The following CENPP variants were observed in gnomAD, a reference collection of about 807,000 sequenced individuals.
The protein encoded by CENPP is centromere protein P.
Under a neutral mutation model 35.6 loss-of-function variants are expected in CENPP, and 24 were observed. The observed-to-expected ratio is 0.67, with a 90% CI of 0.49 to 0.95. The LOEUF (loss-of-function observed/expected upper bound fraction) is 0.95. Ranked by LOEUF, CENPP falls within the 40% of genes least tolerant of loss-of-function variation. The pLI, the probability that CENPP is intolerant of heterozygous loss-of-function variation, is 0.00. For synonymous variants in CENPP, 120 were observed against 125.5 expected (o/e 0.96, Z 0.29); for missense variants, 332 against 345.3 (o/e 0.96, Z 0.31).
chr9:92,546,907 C>T (rs1004395854), intron 5 of CENPP, among the ~76,000 whole-genome samples: 1 of 152,160 alleles, frequency 6.6e-6, no homozygotes, highest in East Asian at 1.9e-4. Context: ...TACCACAGGT[C>T]TCTATATTCT....
intron 5 of CENPP, among the ~76,000 whole-genome samples, chr9:92,383,763 T>C (rs1425860404): frequency 2.0e-5 from 3 of 152,168 alleles, no homozygotes; most frequent in Non-Finnish European, 4.4e-5. Context: ...ACCAATGTTC[T>C]TTCTCCCTTA....
chr9:92,590,466 ATC>A (rs1850639716), intron 5 of CENPP, among the ~76,000 whole-genome samples: 1 of 152,178 alleles, frequency 6.6e-6, no homozygotes, highest in South Asian at 2.1e-4. Context: ...GGAAATTGGA[ATC>A]TGTCCTTTGG....
At chr9:92,458,253 C>G (rs1588143968) in intron 5 of CENPP, among the ~76,000 whole-genome samples, 1 of 152,156 alleles carries the variant, frequency 6.6e-6, no homozygotes, top group Admixed American at 6.6e-5. Context: ...TCTTCTTTGG[C>G]CTTTTTTGGT....
chr9:92,492,262 G>A (rs1190012892), intron 5 of CENPP, among the ~76,000 whole-genome samples: 1 of 152,076 alleles, frequency 6.6e-6, no homozygotes, highest in Admixed American at 6.5e-5. Context: ...ATATACTTAT[G>A]CCGAGTCTAA....
intron 1 of CENPP, among the ~76,000 whole-genome samples, chr9:92,326,393 T>C (rs112880845): frequency 1.8e-4 from 27 of 152,362 alleles, no homozygotes; most frequent in African/African-American, 5.5e-4. Flanking sequence ...GCCTCCAGTA[T>C]GCAGAAGTAT....
chr9:92,381,530 T>C (rs1350420299), intron 5 of CENPP, among the ~76,000 whole-genome samples: 3 of 152,180 alleles, frequency 2.0e-5, no homozygotes, highest in African/African-American at 7.2e-5. Flanking sequence ...GCAATTGACC[T>C]ATCTTGGCCT....
intron 5 of CENPP, among the ~76,000 whole-genome samples, chr9:92,421,917 T>C (rs1275262457): frequency 6.6e-6 from 1 of 152,210 alleles, no homozygotes; most frequent in African/African-American, 2.4e-5. Flanking sequence ...AAGTCTTTTG[T>C]AGACATCATT....
At chr9:92,544,214 G>T (rs574383336) in intron 5 of CENPP, among the ~76,000 whole-genome samples, 1 of 152,172 alleles carries the variant, frequency 6.6e-6, no homozygotes, top group Non-Finnish European at 1.5e-5. Flanking sequence ...GGTGGCTCAC[G>T]CCTATAATCC....
intron 4 of CENPP, among the ~76,000 whole-genome samples, chr9:92,351,886 A>G (rs986426979): frequency 1.3e-5 from 2 of 152,030 alleles, no homozygotes; most frequent in African/African-American, 4.8e-5. Context: ...CGGCCTCCCA[A>G]AGTGCTGGGA....
intron 2 of CENPP, among the ~76,000 whole-genome samples, chr9:92,332,875 C>CTT (rs1399857353): frequency 4.2e-5 from 6 of 142,916 alleles, no homozygotes; most frequent in South Asian, 2.2e-4. Flanking sequence ...TTCTTTCTTT[C>CTT]TTTTTTTTTT....
intron 5 of CENPP, among the ~76,000 whole-genome samples, chr9:92,560,577 G>A (rs1163441435): frequency 6.6e-6 from 1 of 152,228 alleles, no homozygotes; most frequent in African/African-American, 2.4e-5. Context: ...GAGCATGGCA[G>A]TTTATATAAT....
intron 5 of CENPP, among the ~76,000 whole-genome samples, chr9:92,581,849 TAC>T (rs1271701320): frequency 6.6e-6 from 1 of 152,160 alleles, no homozygotes; most frequent in African/African-American, 2.4e-5. Context: ...CATTCAAAAA[TAC>T]ACAGTAATAC....
intron 4 of CENPP, among the ~76,000 whole-genome samples, chr9:92,346,896 A>G (rs1339732778): frequency 6.6e-6 from 1 of 151,092 alleles, no homozygotes; most frequent in Admixed American, 6.6e-5. Context: ...TGTTAAGGGA[A>G]GGTTGGAAGA....
intron 5 of CENPP, among the ~76,000 whole-genome samples, chr9:92,550,955 C>T (rs1849574670): frequency 6.6e-6 from 1 of 152,178 alleles, no homozygotes; most frequent in Admixed American, 6.6e-5. Flanking sequence ...AGCAGCTACC[C>T]TCTGGCCCTG....
chr9:92,608,460 A>G (rs1308521476), intron 5 of CENPP, among the ~76,000 whole-genome samples: 1 of 152,160 alleles, frequency 6.6e-6, no homozygotes, highest in East Asian at 1.9e-4. Context: ...ATCCACGTCA[A>G]ATACAGTCAT....
Position 92,466,381 on chromosome 9 carries a change from C to T in CENPP, c.564+86522C>T, listed in dbSNP as rs41278695. 14,649 of 1,605,986 alleles carry T rather than the reference C, an allele frequency of 9.1e-3. 93 individuals carry two copies. The highest frequency in any genetic ancestry group is 0.011 in the Non-Finnish European group (12,686 of 1,172,898). The stretch of plus-strand genomic sequence containing the variant: ...ACCCAAAACGTGTAAAGCATTCATT[C>T]CTTTGAATGTGTCCTTTTGTATTTT... On this transcript the variant is annotated intron_variant, in intron 5 of 7. Coordinates refer to ENST00000375587, the MANE Select transcript of CENPP (RefSeq NM_001012267.3).
At chr9:92,483,333 A>C (rs192726784) in intron 5 of CENPP, among the ~76,000 whole-genome samples, 1 of 151,462 alleles carries the variant, frequency 6.6e-6, no homozygotes, top group African/African-American at 2.4e-5. Context: ...GGTTCACGCC[A>C]TTCTCCTGCC....
chr9:92,325,946 G>A (rs775245568), upstream of CENPP: 2 of 1,444,600 alleles, frequency 1.4e-6, no homozygotes, highest in African/African-American at 1.4e-5. Flanking sequence ...GGTGAAGCGC[G>A]CAGGTCGGAG....
At chr9:92,522,729 C>T in intron 5 of CENPP, 1 of 1,614,114 alleles carries the variant, frequency 6.2e-7, no homozygotes, top group East Asian at 2.2e-5. Flanking sequence ...TTGATCTGTG[C>T]TTGTGTGAGG....
Sources: allele counts gnomAD v4.1 joint callset (sites outside exome capture counted in the v4.1 genomes callset), GRCh38; gene constraint gnomAD v4.1.1; transcripts MANE v1.5; gene names NCBI Gene and HGNC (gene_info 2026-07-23, HGNC 2026-07-21).